Variants in BRD7 observed in about 807,000 individuals in gnomAD.
BRD7 encodes the protein bromodomain-containing protein 7.
A neutral mutation model predicts 82.1 loss-of-function variants in BRD7; 15 were observed. That is an observed-to-expected ratio of 0.18 (90% CI 0.12 to 0.28). The LOEUF (loss-of-function observed/expected upper bound fraction) is 0.28. BRD7 is among the 10% of genes least tolerant of loss of function. The probability of loss-of-function intolerance (pLI) is 1.00; values close to 1 mark genes in which losing one functional copy is unlikely to be tolerated. For missense variants in BRD7, 638 were observed against 779.9 expected, an observed-to-expected ratio of 0.82 and a Z score of 2.17; for synonymous variants, 232 against 266.9, an observed-to-expected ratio of 0.87 and a Z score of 1.27.
rs376609159 is a variant in BRD7 at position 50,320,732 on chromosome 16, G to C, written c.1543C>G (p.Gln515Glu). Reference sequence around the variant, plus strand: ...GCTTTCAGCGCTATGAGCCTGTCTTGAGTACTGGAGTCCAAACGCCCTGGT... The same window carrying C: ...GCTTTCAGCGCTATGAGCCTGTCTTCAGTACTGGAGTCCAAACGCCCTGGT... ...EPPGRLDSSTQDRLIALKAVT... is the reference protein window; with the variant it reads ...EPPGRLDSSTEDRLIALKAVT... Residue 515 changes from glutamine to glutamate, a missense_variant, in exon 14 of 17, where the codon CAA becomes GAA. Gln to Glu is a conservative substitution (Grantham distance 29, BLOSUM62 2). Transcript: ENST00000394688. 1.9e-6 allele frequency: 3 copies of C among 1,614,042 alleles called. No individual in the cohort carries two copies. The African/African-American group carries it at 4.0e-5, about 22-fold the overall frequency.
chr16:50,360,526 T>C (rs958169288), intron 2 of BRD7, among the ~76,000 whole-genome samples: 1 of 152,192 alleles, frequency 6.6e-6, no homozygotes, highest in African/African-American at 2.4e-5. Context: ...TCTATGATGC[T>C]TTCCCCTAGC....
intron 2 of BRD7, chr16:50,361,669 A>G (rs1287633513): frequency 2.6e-5 from 4 of 152,084 alleles, no homozygotes; most frequent in Admixed American, 2.6e-4. Flanking sequence ...CTTCCACTCA[A>G]AGTTTTTGAT....
In BRD7 at chr16:50,318,898, C is replaced by A; in HGVS notation, c.*313G>T. 3.9e-6 allele frequency: 1 copy of A among 255,206 alleles called. No individual in the cohort carries two copies. Among genetic ancestry groups the A allele is most frequent in the Admixed American group, 5.4e-5 (1 of 18,464 alleles). 15.8% of individuals were successfully genotyped at this position (255,206 alleles called of 1,614,324 possible). The stretch of plus-strand genomic sequence containing the variant: ...TATGTTCGTATAACGGAAAATCTCA[C>A]TGGATGGGGCCGTTTTAAGAACGCT... On this transcript the variant is annotated 3_prime_UTR_variant, in exon 17 of 17. Coordinates refer to ENST00000394688, the MANE Select transcript of BRD7 (RefSeq NM_013263.5).
chr16:50,320,817 G>A, intron 13 of BRD7, 43 bp from the exon 14 acceptor site: 2 of 1,356,222 alleles, frequency 1.5e-6, no homozygotes, highest in African/African-American at 1.4e-5. Flanking sequence ...CGCTTGCTAA[G>A]CCACAGCAGT....
intron 5 of BRD7, among the ~76,000 whole-genome samples, chr16:50,340,913 T>C (rs559008325): frequency 9.2e-5 from 14 of 152,256 alleles, no homozygotes; most frequent in Admixed American, 7.8e-4. Flanking sequence ...AAAGAGAATC[T>C]GCCCCCTACA....
In BRD7 at chr16:50,319,963, C is replaced by A. The variant is rs138232073; in HGVS notation, c.1824G>T (p.Thr608=). The stretch of plus-strand genomic sequence containing the variant: ...TCCCCATTGCTTTTCGAACTCCATA[C>A]GTGCTTACGATATCACCTGGAGTTA... ...QQVTPGDIVS[T]YGVRKAMGIS... is the part of the protein sequence containing the mutation. The change falls in exon 16 of 17, where the codon ACG becomes ACT. Residue 608 remains threonine (T), a synonymous_variant. Transcript: ENST00000394688. The A allele has an allele frequency of 6.2e-7, 1 of 1,613,350 alleles. No individual in the cohort carries two copies. The highest frequency in any genetic ancestry group is 8.5e-7 in the Non-Finnish European group (1 of 1,179,978).
intron 1 of BRD7, 37 bp downstream of exon 1, chr16:50,368,689 C>T (rs772080682): frequency 1.3e-6 from 2 of 1,535,916 alleles, no homozygotes; most frequent in East Asian, 2.8e-5. Context: ...GCAGAGCCGC[C>T]GAGGGCCCGC....
In BRD7 at chr16:50,356,724, AT is replaced by A. The variant is rs200401306; in HGVS notation, c.259-1803del. ...CTTCTTTCCTTAGGGGAAAAAAAAA[AT>A]ATATATATATATATACACACACACA... On this transcript the variant is annotated intron_variant, in intron 2 of 16. Coordinates refer to ENST00000394688, the MANE Select transcript of BRD7 (RefSeq NM_013263.5). Among the ~76,000 whole-genome samples, 279 of 128,068 alleles carry A rather than the reference AT, an allele frequency of 2.2e-3. 1 individual carries two copies. The highest frequency in any genetic ancestry group is 0.012 in the Middle Eastern group (3 of 246). 84.0% of individuals were successfully genotyped at this position (128,068 alleles called of 152,430 possible).
At chr16:50,334,687 C>A (rs2037719327) in intron 7 of BRD7, 24 bp downstream of exon 7, 1 of 1,609,966 alleles carries the variant, frequency 6.2e-7, no homozygotes, top group East Asian at 2.2e-5. Flanking sequence ...ACAGTTTGAC[C>A]TTAACATCCC....
chr16:50,360,329 GGTTA>G (rs762299147), intron 2 of BRD7, among the ~76,000 whole-genome samples: 64 of 152,308 alleles, frequency 4.2e-4, no homozygotes, highest in Non-Finnish European at 2.5e-4. Context: ...CCTTCAGGTT[GGTTA>G]CTTTCGGAGG....
rs575292483 is a variant in BRD7, at chr16:50,318,195, T to TCAAA, written c.*1012_*1015dup. ...AACTCACTAGAGATTAAAAGTAGAC[T>TCAAA]CAAACAACTTGAAAATTTGACTCTT... On this transcript the variant is annotated 3_prime_UTR_variant, in exon 17 of 17. Coordinates refer to ENST00000394688, the MANE Select transcript of BRD7 (RefSeq NM_013263.5). 2.6e-5 allele frequency: 4 copies of TCAAA among 152,368 alleles called. No individual in the cohort carries two copies. Among genetic ancestry groups the TCAAA allele is most frequent in the Admixed American group, 6.5e-5 (1 of 15,302 alleles). 9.4% of individuals were successfully genotyped at this position (152,368 alleles called of 1,614,324 possible).
chr16:50,344,513 C>T (rs377281809), intron 5 of BRD7, among the ~76,000 whole-genome samples: 4 of 152,114 alleles, frequency 2.6e-5, no homozygotes, highest in Admixed American at 2.0e-4. Flanking sequence ...AAGCTAAAAA[C>T]CTTGAAAAAA....
chr16:50,336,568 AC>A (rs1365789157), intron 6 of BRD7, among the ~76,000 whole-genome samples: 2 of 152,238 alleles, frequency 1.3e-5, no homozygotes, highest in Non-Finnish European at 2.9e-5. Context: ...TCTCAAAAAA[AC>A]AAAACAAAAA....
In BRD7 at chr16:50,356,241, T is replaced by C. The variant is rs966152098; in HGVS notation, c.259-1319A>G. On this transcript the variant is annotated intron_variant, in intron 2 of 16. Transcript: ENST00000394688. ...CCTTAGCAGAGCAATTAGCAATATC[T>C]AGCAAAGCTAGCAAAGCCTTTAACC... is the stretch of plus-strand genomic sequence containing the variant. Among the ~76,000 whole-genome samples the C allele has an allele frequency of 2.6e-5, 4 of 152,342 alleles. No homozygotes were observed. The East Asian group carries it at 5.8e-4, about 22-fold the overall frequency.
chr16:50,336,428 T>A (rs866028516), intron 6 of BRD7, among the ~76,000 whole-genome samples: 1 of 152,208 alleles, frequency 6.6e-6, no homozygotes, highest in South Asian at 2.1e-4. Flanking sequence ...TTTCTCTGAA[T>A]CCTTGACAAA....
chr16:50,323,875 T>C (rs763298759), intron 11 of BRD7, among the ~76,000 whole-genome samples, 177 bp from the exon 12 acceptor site: 15 of 152,294 alleles, frequency 9.8e-5, no homozygotes, highest in South Asian at 2.1e-4. Flanking sequence ...TGAGATAATA[T>C]GAAGAACACA....
At chr16:50,366,156 G>A (rs1369445636) in intron 2 of BRD7, among the ~76,000 whole-genome samples, 1 of 152,206 alleles carries the variant, frequency 6.6e-6, no homozygotes, top group Non-Finnish European at 1.5e-5. Flanking sequence ...CCATCAACCT[G>A]TATGAGGGCA....
intron 11 of BRD7, 103 bp downstream of exon 11, chr16:50,325,644 AT>A (rs201358369): frequency 2.2e-3 from 2,371 of 1,075,870 alleles, no homozygotes; most frequent in South Asian, 3.4e-3. Flanking sequence ...TACTGAGCAC[AT>A]TTTTTTTTAC....
At chr16:50,336,135 A>G (rs907867545) in intron 6 of BRD7, among the ~76,000 whole-genome samples, 1 of 152,190 alleles carries the variant, frequency 6.6e-6, no homozygotes, top group Non-Finnish European at 1.5e-5. Flanking sequence ...ATATCAATAG[A>G]TATTTAAAAT....
Sources: allele counts gnomAD v4.1 joint callset (sites outside exome capture counted in the v4.1 genomes callset), GRCh38; gene constraint gnomAD v4.1.1; transcripts MANE v1.5; gene names NCBI Gene and HGNC (gene_info 2026-07-23, HGNC 2026-07-21).